Variants in GABRA1 observed in about 807,000 individuals in gnomAD.
GABRA1 encodes the protein gamma-aminobutyric acid receptor subunit alpha-1.
GABRA1 carries 9 observed loss-of-function variants against 48.9 expected under a neutral mutation model. That is an observed-to-expected ratio of 0.18 (90% CI 0.11 to 0.32). The LOEUF is 0.32. Among genes scored for constraint, GABRA1 ranks in the 10% least tolerant of loss-of-function variants. The pLI is 1.00. For synonymous variants in GABRA1, 210 were observed against 198.7 expected, an observed-to-expected ratio of 1.06 and a Z score of -0.48; for missense variants, 285 against 553.8, an observed-to-expected ratio of 0.51 and a Z score of 4.87.
At chr5:161,890,700 C>T (rs1370758083) in intron 7 of GABRA1, among the ~76,000 whole-genome samples, 198 bp from the exon 8 acceptor site, 1 of 152,092 alleles carries the variant, frequency 6.6e-6, no homozygotes, top group African/African-American at 2.4e-5. Context: ...ACCTCAGTCT[C>T]ATCCTCAGAG....
At chr5:161,849,585 C>T (rs936602642) in intron 1 of GABRA1, among the ~76,000 whole-genome samples, 2 of 152,056 alleles carry the variant, frequency 1.3e-5, no homozygotes, top group Non-Finnish European at 2.9e-5. Flanking sequence ...AATGATTTCC[C>T]GAGACTGCAG....
chr5:161,865,838 A>T, intron 4 of GABRA1, 50 bp downstream of exon 4: 2 of 1,509,446 alleles, frequency 1.3e-6, no homozygotes, highest in Non-Finnish European at 1.8e-6. Flanking sequence ...TTAAAATTTA[A>T]CTTTTCAAAG....
In GABRA1 at chr5:161,899,389, A is replaced by G. The variant is rs915187729; in HGVS notation, c.*1967A>G. The G allele has an allele frequency of 6.6e-6, 1 of 152,368 alleles. No individual in the cohort carries two copies. The highest frequency in any genetic ancestry group is 1.5e-5 in the Non-Finnish European group (1 of 67,948). 9.4% of individuals were successfully genotyped at this position (152,368 alleles called of 1,614,324 possible). A position where few individuals can be genotyped will look rare whatever the true frequency, so the allele number is the denominator to read the frequency against. On this transcript the variant is annotated 3_prime_UTR_variant, in exon 10 of 10. Coordinates refer to ENST00000393943, the MANE Select transcript of GABRA1 (RefSeq NM_001127644.2). ...TGTGTAGATATTATGTATAGAAAAT[A>G]AAATAAATTATGGCTCTAACTTCTG...
intron 9 of GABRA1, among the ~76,000 whole-genome samples, chr5:161,896,166 A>T (rs1026858475): frequency 6.6e-6 from 1 of 152,188 alleles, no homozygotes; most frequent in Non-Finnish European, 1.5e-5. Context: ...AATGAACCTG[A>T]TATTAGGAGC....
intron 1 of GABRA1, chr5:161,850,305 A>T: frequency 3.9e-6 from 1 of 258,918 alleles, no homozygotes; most frequent in South Asian, 1.7e-4. Context: ...TACCTGCAGA[A>T]TTCAAAGAGG....
intron 7 of GABRA1, among the ~76,000 whole-genome samples, chr5:161,885,033 C>T (rs973034689): frequency 6.6e-6 from 1 of 152,152 alleles, no homozygotes; most frequent in African/African-American, 2.4e-5. Context: ...ACCTCATGGG[C>T]TGGGCCCACT....
At chr5:161,852,476 T>C (rs1035468060) in intron 2 of GABRA1, among the ~76,000 whole-genome samples, 2 of 152,060 alleles carry the variant, frequency 1.3e-5, no homozygotes, top group African/African-American at 4.8e-5. Context: ...ATTTTCCATC[T>C]TTATCAAGAT....
chr5:161,862,097 AT>A (rs900285461), intron 3 of GABRA1, among the ~76,000 whole-genome samples: 17 of 151,592 alleles, frequency 1.1e-4, no homozygotes, highest in Middle Eastern at 6.8e-3. Context: ...TCCCTCCTCC[AT>A]TTTTTTTATT....
intron 9 of GABRA1, 150 bp from the exon 10 acceptor site, chr5:161,896,961 T>G (rs1223898241): frequency 1.5e-6 from 1 of 680,168 alleles, no homozygotes; most frequent in Non-Finnish European, 2.5e-6. Context: ...ATTTTTAATT[T>G]ATTATAATAA....
At chr5:161,873,031 G>A in intron 4 of GABRA1, 86 bp from the exon 5 acceptor site, 1 of 1,012,786 alleles carries the variant, frequency 9.9e-7, no homozygotes, top group Non-Finnish European at 1.6e-6. Flanking sequence ...TTCCAAAGTT[G>A]CAAAAATTAT....
intron 8 of GABRA1, among the ~76,000 whole-genome samples, chr5:161,893,004 C>CAAAAAAA (rs201136274): frequency 8.8e-5 from 3 of 33,964 alleles, no homozygotes; most frequent in African/African-American, 4.5e-4. Flanking sequence ...GACTCCTTCT[C>CAAAAAAA]AAAAAAATAA....
At chr5:161,892,233 A>G (rs1755123637) in intron 8 of GABRA1, among the ~76,000 whole-genome samples, 1 of 152,248 alleles carries the variant, frequency 6.6e-6, no homozygotes, top group Non-Finnish European at 1.5e-5. Context: ...ACAAATATCA[A>G]CTAGGCACCT....
chr5:161,875,681 A>T (rs766791027), intron 6 of GABRA1, 39 bp downstream of exon 6: 2 of 1,413,216 alleles, frequency 1.4e-6, no homozygotes, highest in Non-Finnish European at 2.0e-6. Context: ...ATTGTAAGTC[A>T]TTAAGCAAGA....
Position 161,897,309 on chromosome 5 carries a change from G to T in GABRA1, c.1258G>T (p.Asp420Tyr). ...KKTFNSVSKI[D>Y]RLSRIAFPLL... ...AACCTTTAACAGTGTCAGCAAAATT[G>T]ACCGACTGTCAAGAATAGCCTTCCC... Residue 420 changes from aspartate (D) to tyrosine (Y), a missense_variant, in exon 10 of 10, where the codon GAC becomes TAC. By Grantham distance (160) the Asp-to-Tyr change is radical. Around this residue, in one of 6 missense-constraint regions of GABRA1, gnomAD observed 99 missense variants for 94.2 expected, o/e 1.05. Transcript: ENST00000393943. 6.2e-7 allele frequency: 1 copy of T among 1,614,068 alleles called. No individual in the cohort carries two copies. The highest frequency in any genetic ancestry group is 1.1e-5 in the South Asian group (1 of 91,066).
At chr5:161,894,080 T>C (rs187341749) in intron 8 of GABRA1, among the ~76,000 whole-genome samples, 26 of 152,314 alleles carry the variant, frequency 1.7e-4, no homozygotes, top group African/African-American at 5.5e-4. Flanking sequence ...TAGGGATTTA[T>C]CAAAAAGGAC....
chr5:161,864,807 A>G (rs1384708480), intron 3 of GABRA1, among the ~76,000 whole-genome samples: 2 of 118,126 alleles, frequency 1.7e-5, no homozygotes, highest in African/African-American at 3.2e-5. Context: ...AATTAAAAAT[A>G]ATTTAAAAAG....
At chr5:161,875,452 A>G (rs950419865) in intron 5 of GABRA1, 108 bp from the exon 6 acceptor site, 8 of 871,406 alleles carry the variant, frequency 9.2e-6, no homozygotes, top group East Asian at 7.3e-5. Context: ...CCCTGCAATT[A>G]TGCCTTCTTT....
chr5:161,882,718 T>A lies in GABRA1; in HGVS notation c.703+17T>A. The A allele has an allele frequency of 1.2e-6, 2 of 1,609,286 alleles. No homozygotes were observed. The highest frequency in any genetic ancestry group is 1.7e-6 in the Non-Finnish European group (2 of 1,175,866). ...CAAGTACAGGTAAGTACGATTTTGTTACTTCAGTTATGGAGGAAGAAGAAG... is the reference window on the plus strand; with the variant it reads ...CAAGTACAGGTAAGTACGATTTTGTAACTTCAGTTATGGAGGAAGAAGAAG... On this transcript the variant is annotated intron_variant, in intron 7 of 9. Coordinates refer to ENST00000393943, the MANE Select transcript of GABRA1 (RefSeq NM_001127644.2).
chr5:161,847,237 G>A (rs996667147), upstream of GABRA1: 1 of 152,070 alleles, frequency 6.6e-6, no homozygotes, highest in Non-Finnish European at 1.5e-5. Flanking sequence ...TGCGGATTTC[G>A]TCCTGACTTC....
Sources: gnomAD v4.1 joint callset for allele counts (sites outside exome capture counted in the v4.1 genomes callset) on GRCh38, gnomAD v4.1.1 for gene constraint, gnomAD v4.1.1 regional missense constraint, MANE v1.5 for transcripts, NCBI Gene and HGNC (gene_info 2026-07-23, HGNC 2026-07-21) for gene names.